The following FSTL4 variants were observed in gnomAD, a reference collection of about 807,000 sequenced individuals.
FSTL4 encodes follistatin like 4.
Under a neutral mutation model 78.2 loss-of-function variants are expected in FSTL4, and 28 were observed. The observed-to-expected ratio is 0.36, with a 90% CI of 0.27 to 0.49. The LOEUF is 0.49. FSTL4 is among the 20% of genes least tolerant of loss of function. FSTL4 has a pLI of 0.98. For missense variants in FSTL4, 922 were observed against 1,084.9 expected (o/e 0.85, Z 2.11); for synonymous variants, 422 against 440.5 (o/e 0.96, Z 0.53).
the FSTL4 span, among the ~76,000 whole-genome samples, chr5:133,810,470 T>C: frequency 6.6e-6 from 1 of 152,182 alleles, no homozygotes; most frequent in South Asian, 2.1e-4. Context: ...CCAAGGTCCA[T>C]TGTCTCATGC....
At chr5:133,646,049 G>T in the FSTL4 span, among the ~76,000 whole-genome samples, 10 of 152,158 alleles carry the variant, frequency 6.6e-5, no homozygotes, top group Non-Finnish European at 1.5e-4. Context: ...GAAAGACATG[G>T]TCCTACCCTC....
At chr5:133,412,390 A>C (rs1756494068) in intron 3 of FSTL4, among the ~76,000 whole-genome samples, 1 of 152,208 alleles carries the variant, frequency 6.6e-6, no homozygotes, top group African/African-American at 2.4e-5. Flanking sequence ...ATGTATAATA[A>C]GAGTTACCAC....
intron 4 of FSTL4, among the ~76,000 whole-genome samples, chr5:133,391,078 C>T (rs1020367320): frequency 3.3e-5 from 5 of 152,214 alleles, no homozygotes; most frequent in Non-Finnish European, 7.3e-5. Context: ...CTTGAGCTTG[C>T]TAGTGGGCAT....
At chr5:133,264,695 C>T (rs1752606047) in intron 6 of FSTL4, among the ~76,000 whole-genome samples, 1 of 152,224 alleles carries the variant, frequency 6.6e-6, no homozygotes, top group Admixed American at 6.5e-5. Flanking sequence ...TTCTCTCTCT[C>T]TTCGTCTTGG....
intron 4 of FSTL4, among the ~76,000 whole-genome samples, chr5:133,328,364 A>G (rs1202919762): frequency 6.6e-6 from 1 of 152,220 alleles, no homozygotes; most frequent in Middle Eastern, 3.2e-3. Flanking sequence ...TGATGTTGCT[A>G]TACAATCTGC....
chr5:133,782,039 G>A, the FSTL4 span, among the ~76,000 whole-genome samples: 221 of 152,326 alleles, frequency 1.5e-3, 2 homozygotes, highest in East Asian at 0.037. Flanking sequence ...ATCAAAGGCT[G>A]TGGAAAACAG....
At chr5:133,488,919 C>A (rs1003095680) in intron 3 of FSTL4, among the ~76,000 whole-genome samples, 16 of 152,142 alleles carry the variant, frequency 1.1e-4, no homozygotes, top group African/African-American at 3.4e-4. Context: ...ATTCACAGAG[C>A]CTGAAAACTC....
Position 133,611,223 on chromosome 5 carries a change from C to T in FSTL4, c.-11+1102G>A, listed in dbSNP as rs1004921382. 6.6e-6 allele frequency among the ~76,000 whole-genome samples: 1 copy of T among 152,096 alleles called. No individual in the cohort carries two copies. The highest frequency in any genetic ancestry group is 2.4e-5 in the African/African-American group (1 of 41,438). ...GCCGCGACACCGACCTCGCCGGGCC[C>T]GCCCCGCTGACCCGCGCACTCCTAG... On this transcript the variant is annotated intron_variant, in intron 1 of 15. Transcript: ENST00000265342. This position sits in a 1 kb window ranked among gnomAD's most constrained non-coding sequence, Gnocchi z 4.9.
At chr5:133,758,627 C>G in the FSTL4 span, among the ~76,000 whole-genome samples, 1 of 152,162 alleles carries the variant, frequency 6.6e-6, no homozygotes, top group Non-Finnish European at 1.5e-5. Flanking sequence ...AAATAAAAAG[C>G]CCTTACAAGT....
chr5:133,453,307 G>A (rs931379396), intron 3 of FSTL4, among the ~76,000 whole-genome samples: 5 of 151,940 alleles, frequency 3.3e-5, no homozygotes, highest in Non-Finnish European at 2.9e-5. Context: ...TAATTCCCAC[G>A]GTCTTCATAT....
the FSTL4 span, among the ~76,000 whole-genome samples, chr5:133,668,834 T>C: frequency 6.6e-6 from 1 of 152,176 alleles, no homozygotes; most frequent in African/African-American, 2.4e-5. Context: ...TCAGGCATAG[T>C]GCATTAGATG....
Position 133,198,939 on chromosome 5 carries a change from A to C in FSTL4, c.*156T>G. ...AACCCCAATCTTGGTAGCAGCGCAT[A>C]CCTTATACTAGGAAACTTGCAAGGA... On this transcript the variant is annotated 3_prime_UTR_variant, in exon 16 of 16. Coordinates refer to ENST00000265342, the MANE Select transcript of FSTL4 (RefSeq NM_015082.2). The C allele has an allele frequency of 1.9e-6, 1 of 523,024 alleles. No individual in the cohort carries two copies. Among genetic ancestry groups the C allele is most frequent in the Non-Finnish European group, 3.4e-6 (1 of 295,824 alleles). The allele number at this position is 523,024 out of a possible 1,614,324, so 32.4% of individuals were successfully genotyped here. A position where few individuals can be genotyped will look rare whatever the true frequency, so the allele number is the denominator to read the frequency against.
chr5:133,618,358 G>A, the FSTL4 span, among the ~76,000 whole-genome samples: 3 of 152,194 alleles, frequency 2.0e-5, no homozygotes, highest in African/African-American at 7.2e-5. Flanking sequence ...TAGATCTGAT[G>A]TTAGGTGTAA....
chr5:133,755,992 A>G, the FSTL4 span, among the ~76,000 whole-genome samples: 1 of 152,220 alleles, frequency 6.6e-6, no homozygotes, highest in Non-Finnish European at 1.5e-5. Context: ...AAGAAGCAAA[A>G]TGCAACACAA....
intron 4 of FSTL4, among the ~76,000 whole-genome samples, chr5:133,331,843 G>T (rs549893645): frequency 1.1e-4 from 17 of 152,282 alleles, no homozygotes; most frequent in African/African-American, 3.8e-4. Flanking sequence ...AGGAGAGTGA[G>T]AAGGCTCTCC....
intron 3 of FSTL4, among the ~76,000 whole-genome samples, chr5:133,499,658 A>G (rs1379361931): frequency 1.3e-5 from 2 of 152,148 alleles, no homozygotes; most frequent in Non-Finnish European, 2.9e-5. Flanking sequence ...TCCTTCTGTG[A>G]CTGAGCACAG....
In FSTL4 at chr5:133,602,968, C is replaced by T. The variant is rs559715783; in HGVS notation, c.126+890G>A. On this transcript the variant is annotated intron_variant, in intron 2 of 15. Coordinates refer to ENST00000265342, the MANE Select transcript of FSTL4 (RefSeq NM_015082.2). ...TTGAGGTAATTTTTATTTCTCATTC[C>T]GCAGGACAGGAAACAGGGACAAAGA... Among the ~76,000 whole-genome samples the T allele has an allele frequency of 2.0e-5, 3 of 152,138 alleles. No homozygotes were observed. The East Asian group carries it at 5.8e-4, about 29-fold the overall frequency.
At chr5:133,694,724 AT>A in the FSTL4 span, among the ~76,000 whole-genome samples, 167 of 152,320 alleles carry the variant, frequency 1.1e-3, 2 homozygotes, top group African/African-American at 3.9e-3. Flanking sequence ...AACCACAGAA[AT>A]TTATTTCTCA....
At chr5:133,428,289 A>T (rs1756868911) in intron 3 of FSTL4, among the ~76,000 whole-genome samples, 1 of 152,196 alleles carries the variant, frequency 6.6e-6, no homozygotes, top group African/African-American at 2.4e-5. Context: ...TCATGGCAGA[A>T]GTAGGGCCTG....
Sources: allele counts gnomAD v4.1 joint callset (sites outside exome capture counted in the v4.1 genomes callset), GRCh38; gene constraint gnomAD v4.1.1; non-coding constraint Gnocchi (gnomAD v3.1); transcripts MANE v1.5; gene names NCBI Gene and HGNC (gene_info 2026-07-23, HGNC 2026-07-21).